The following QSER1 variants were observed in gnomAD, a reference collection of about 807,000 sequenced individuals.
The protein encoded by QSER1 is glutamine and serine-rich protein 1.
In QSER1, 49 loss-of-function variants were observed where a neutral mutation model predicts 158.5. That is an observed-to-expected ratio of 0.31 (90% confidence interval 0.25 to 0.39). The LOEUF (loss-of-function observed/expected upper bound fraction) is 0.39, where lower values mean the gene tolerates loss of function less well. QSER1 is among the 10% of genes least tolerant of loss of function. The probability of loss-of-function intolerance (pLI) is 1.00; values close to 1 mark genes in which losing one functional copy is unlikely to be tolerated. For missense variants in QSER1, 1,754 were observed against 2,010.3 expected, an observed-to-expected ratio of 0.87 and a Z score of 2.44; for synonymous variants, 650 against 715.5, an observed-to-expected ratio of 0.91 and a Z score of 1.46.
At chr11:32,919,435 C>T (rs1028410000) in intron 1 of QSER1, among the ~76,000 whole-genome samples, 2 of 152,180 alleles carry the variant, frequency 1.3e-5, no homozygotes, top group African/African-American at 4.8e-5. Context: ...GGATACCCCT[C>T]TTTTGGAATT....
intron 1 of QSER1, among the ~76,000 whole-genome samples, chr11:32,908,693 C>G (rs1374900916): frequency 6.6e-6 from 1 of 152,166 alleles, no homozygotes; most frequent in Non-Finnish European, 1.5e-5. Context: ...GTTGTTTCCA[C>G]TTTTTGGTTA....
intron 1 of QSER1, among the ~76,000 whole-genome samples, chr11:32,901,036 T>C (rs991938488): frequency 4.6e-5 from 7 of 152,360 alleles, no homozygotes; most frequent in Admixed American, 1.3e-4. Flanking sequence ...TGTTCACATC[T>C]GTACAAGGCA....
rs1007127952 is a variant in QSER1, at chr11:32,928,176, T to C, written c.484+53T>C. On this transcript the variant is annotated intron_variant, in intron 3 of 12. Transcript: ENST00000650167. ...GTCCTATAAAAATGCTGATGAAACA[T>C]ATACATTTGATGGCCTTGTCATTGT... is the stretch of plus-strand genomic sequence containing the variant. The C allele has an allele frequency of 3.6e-6, 4 of 1,101,124 alleles. No homozygotes were observed. In the African/African-American group the frequency reaches 4.6e-5, roughly 13 times the overall value. 68.2% of individuals were successfully genotyped at this position (1,101,124 alleles called of 1,614,324 possible).
At chr11:32,894,086 G>T (rs1486834268) in intron 1 of QSER1, among the ~76,000 whole-genome samples, 8 of 152,098 alleles carry the variant, frequency 5.3e-5, no homozygotes, top group Admixed American at 6.5e-5. Flanking sequence ...CGGGGGTTGG[G>T]GTGGGGGTAG....
chr11:32,963,518 CT>C (rs201110024), intron 8 of QSER1, among the ~76,000 whole-genome samples: 2,112 of 152,090 alleles, frequency 0.014, 47 homozygotes, highest in African/African-American at 0.049. Flanking sequence ...TGCCTGGCTA[CT>C]TTTTTGTATT....
At chr11:32,925,499 TTTATTTATTTATTTA>T (rs1564931465) in intron 1 of QSER1, among the ~76,000 whole-genome samples, 9 of 85,860 alleles carry the variant, frequency 1.0e-4, no homozygotes, top group African/African-American at 2.3e-4. Flanking sequence ...CGCTTTTTTA[TTTATTTATTTATTTA>T]TTTATTTATT....
At position 32,931,809 on chromosome 11, in the gene QSER1, C is replaced by T; in HGVS notation, c.551C>T (p.Pro184Leu). Residue 184 changes from proline to leucine, a missense_variant, in exon 4 of 13, where the codon CCA becomes CTA. Physicochemically the swap from Pro to Leu is moderately conservative, Grantham distance 98 (BLOSUM62 -3). Transcript: ENST00000650167. ...CCTTTGCCAAGCACTGGAACACTTC[C>T]ACCATCTCTCTCTGCTTATCAGCAT... ...TGPLPSTGTL[P>L]PSLSAYQHPT... 6.2e-7 allele frequency: 1 copy of T among 1,613,968 alleles called. No homozygotes were observed. The highest frequency in any genetic ancestry group is 8.5e-7 in the Non-Finnish European group (1 of 1,179,916).
chr11:32,932,384 G>A lies in QSER1; in HGVS notation c.1126G>A (p.Gly376Arg), dbSNP rs761766350. 7.4e-6 allele frequency: 12 copies of A among 1,612,176 alleles called. No homozygotes were observed. Among genetic ancestry groups the A allele is most frequent in the South Asian group, 6.6e-5 (6 of 91,078 alleles). The change falls in exon 4 of 13, where the codon GGA becomes AGA. Residue 376 changes from glycine to arginine, a missense_variant. By Grantham distance (125) the Gly-to-Arg change is moderately radical. Transcript: ENST00000650167. ...PIGDSTQVSNGGLQQKTSQVS... is the reference protein window; with the variant it reads ...PIGDSTQVSNRGLQQKTSQVS... ...TGGAGATTCCACTCAGGTGAGCAACGGAGGATTACAACAGAAGACCTCCCA... is the reference window on the plus strand; with the variant it reads ...TGGAGATTCCACTCAGGTGAGCAACAGAGGATTACAACAGAAGACCTCCCA...
chr11:32,898,207 G>A (rs1054630660), intron 1 of QSER1, among the ~76,000 whole-genome samples: 2 of 152,166 alleles, frequency 1.3e-5, no homozygotes, highest in Non-Finnish European at 2.9e-5. Flanking sequence ...ATGGTCAGGC[G>A]TGATATCTCA....
At chr11:32,949,261 T>C (rs1428067855) in intron 4 of QSER1, among the ~76,000 whole-genome samples, 3 of 152,180 alleles carry the variant, frequency 2.0e-5, no homozygotes, top group African/African-American at 7.2e-5. Context: ...TCTCTGTTTT[T>C]GTTCACAGAT....
At chr11:32,957,151 C>CT (rs1243969148) in intron 7 of QSER1, among the ~76,000 whole-genome samples, 7 of 63,268 alleles carry the variant, frequency 1.1e-4, no homozygotes, top group Non-Finnish European at 1.3e-4. Context: ...TTTTTTTTTT[C>CT]TTTTTTTTGA....
chr11:32,973,624 C>A, intron 11 of QSER1, 75 bp downstream of exon 11: 2 of 1,365,124 alleles, frequency 1.5e-6, no homozygotes, highest in Non-Finnish European at 2.0e-6. Flanking sequence ...AACATTGAAA[C>A]AAGCAAATAT....
intron 1 of QSER1, among the ~76,000 whole-genome samples, chr11:32,907,217 A>G (rs759181411): frequency 6.6e-6 from 1 of 152,220 alleles, no homozygotes; most frequent in Non-Finnish European, 1.5e-5. Flanking sequence ...TTTGTAAGGA[A>G]AGAACAGCAC....
intron 9 of QSER1, among the ~76,000 whole-genome samples, chr11:32,968,619 AGT>A (rs1852791979): frequency 6.6e-6 from 1 of 151,978 alleles, no homozygotes; most frequent in South Asian, 2.1e-4. Context: ...GGTCATACTC[AGT>A]GTTTTGTTAG....
Position 32,976,620 on chromosome 11 carries a change from A to AT in QSER1, c.*146_*147insT. Reference sequence around the variant, plus strand: ...GTCATTACCACCTCTGCTGAAGGACAGTGGTGCGGCCTTTAGGAACGAAGT... The same window carrying AT: ...GTCATTACCACCTCTGCTGAAGGACATGTGGTGCGGCCTTTAGGAACGAAGT... On this transcript the variant is annotated 3_prime_UTR_variant, in exon 13 of 13. Transcript: ENST00000650167. 2 of 851,986 alleles carry AT rather than the reference A, an allele frequency of 2.3e-6. No individual in the cohort carries two copies. 52.8% of individuals were successfully genotyped at this position (851,986 alleles called of 1,614,324 possible).
At chr11:32,941,389 C>G (rs930375046) in intron 4 of QSER1, among the ~76,000 whole-genome samples, 6 of 126,250 alleles carry the variant, frequency 4.8e-5, no homozygotes, top group Non-Finnish European at 6.7e-5. Flanking sequence ...CCCCCTCCAC[C>G]CCCCACAACA....
rs1245242916 is a variant in QSER1, at chr11:32,933,992, C to T, written c.2734C>T (p.Gln912Ter). ...HVIQSNGDHS[Q>*]QQLHPQNSEV... is the part of the protein sequence containing the mutation. ...TATTCAAAGCAATGGTGATCATTCT[C>T]AGCAGCAACTCCATCCTCAAAATTC... Residue 912 changes from glutamine (Q) to a stop codon, truncating the protein, a stop_gained, in exon 4 of 13, where the codon CAG (glutamine) becomes TAG (stop). Coordinates refer to ENST00000650167, the MANE Select transcript of QSER1 (RefSeq NM_001076786.3). LOFTEE classifies it high-confidence loss of function. 2 of 1,613,798 alleles carry T rather than the reference C, an allele frequency of 1.2e-6. No individual in the cohort carries two copies. The highest frequency in any genetic ancestry group is 1.1e-5 in the South Asian group (1 of 91,000).
chr11:32,973,350 G>C, intron 10 of QSER1, 47 bp from the exon 11 acceptor site: 1 of 1,599,206 alleles, frequency 6.3e-7, no homozygotes, highest in Non-Finnish European at 8.5e-7. Context: ...AAGTAGTTTA[G>C]GTTAGTTTTC....
At chr11:32,904,194 T>TC (rs1285302922) in intron 1 of QSER1, among the ~76,000 whole-genome samples, 1 of 151,138 alleles carries the variant, frequency 6.6e-6, no homozygotes, top group African/African-American at 2.4e-5. Flanking sequence ...TTTTTCTTTT[T>TC]TTTTTTTTTT....
Sources: gnomAD v4.1 joint callset for allele counts (sites outside exome capture counted in the v4.1 genomes callset) on GRCh38, gnomAD v4.1.1 for gene constraint, MANE v1.5 for transcripts, NCBI Gene and HGNC (gene_info 2026-07-23, HGNC 2026-07-21) for gene names.